Variants in F2 observed in about 807,000 individuals in gnomAD.
F2 encodes the protein coagulation factor II, thrombin.
A neutral mutation model predicts 81.9 loss-of-function variants in F2; 34 were observed. The observed-to-expected ratio is 0.42, with a 90% CI of 0.32 to 0.55. F2 has a LOEUF of 0.55. F2 is among the 20% of genes least tolerant of loss of function. The pLI is 0.18. For missense variants in F2, 630 were observed against 833.4 expected (o/e 0.76, Z 3.00); for synonymous variants, 296 against 326.4 (o/e 0.91, Z 1.01).
At chr11:46,734,307 C>T (rs753296425) in intron 12 of F2, among the ~76,000 whole-genome samples, 1 of 151,614 alleles carries the variant, frequency 6.6e-6, no homozygotes, top group Non-Finnish European at 1.5e-5. Context: ...GGTTTTTTGC[C>T]CATTTTTTGG....
intron 9 of F2, among the ~76,000 whole-genome samples, chr11:46,727,737 C>T (rs1446208920): frequency 1.3e-5 from 2 of 152,036 alleles, no homozygotes; most frequent in Non-Finnish European, 2.9e-5. Context: ...GTGACTGTAC[C>T]ATTGCACTCC....
intron 12 of F2, among the ~76,000 whole-genome samples, chr11:46,736,344 C>T (rs2134544768): frequency 6.6e-6 from 1 of 152,336 alleles, no homozygotes; most frequent in Non-Finnish European, 1.5e-5. Flanking sequence ...ATTTCAAACT[C>T]CTGGCTGGGC....
In F2 at chr11:46,720,699, T is replaced by C. The variant is rs3136434; in HGVS notation, c.266-91T>C. On this transcript the variant is annotated intron_variant, in intron 3 of 13. Transcript: ENST00000311907. ...GTCCCTCCCATCTGTTCATCCATCT[T>C]TCTGTTTCTCACCAACATCCCATCC... The C allele has an allele frequency of 0.078, 119,754 of 1,539,212 alleles. 5,390 individuals are homozygous for C. Among genetic ancestry groups the C allele is most frequent in the Middle Eastern group, 0.1 (603 of 5,894 alleles).
chr11:46,734,168 G>A (rs1411542506), intron 12 of F2, among the ~76,000 whole-genome samples: 3 of 151,944 alleles, frequency 2.0e-5, no homozygotes, highest in Non-Finnish European at 4.4e-5. Context: ...TGCAATCTTG[G>A]CTCACTGCAG....
chr11:46,730,152 T>C (rs1257515194), intron 12 of F2, among the ~76,000 whole-genome samples: 1 of 151,908 alleles, frequency 6.6e-6, no homozygotes, highest in Non-Finnish European at 1.5e-5. Flanking sequence ...ATACAAAAAT[T>C]AGCTGGTCAT....
chr11:46,728,307 C>G lies in F2; in HGVS notation c.1298+144C>G, dbSNP rs1395574183. ...ATCCCAGCAGTCTCTGCTGGAAAGC[C>G]CATTTGGTCACGTCCTGACTGAGGC... is the stretch of plus-strand genomic sequence containing the variant. On this transcript the variant is annotated intron_variant, in intron 10 of 13. Coordinates refer to ENST00000311907, the MANE Select transcript of F2 (RefSeq NM_000506.5). The surrounding 1 kb of genome is among the most constrained non-coding windows in gnomAD (Gnocchi z 5.1). The G allele has an allele frequency of 9.9e-7, 1 of 1,005,492 alleles. No individual in the cohort carries two copies. The highest frequency in any genetic ancestry group is 1.5e-6 in the Non-Finnish European group (1 of 663,004). 62.3% of individuals were successfully genotyped at this position (1,005,492 alleles called of 1,614,324 possible).
Position 46,723,527 on chromosome 11 carries a change from G to C in F2, c.559+9G>C. 1 of 1,604,984 alleles carries C rather than the reference G, an allele frequency of 6.2e-7. No homozygotes were observed. The highest frequency in any genetic ancestry group is 1.1e-5 in the South Asian group (1 of 90,270). Reference sequence around the variant, plus strand: ...CAGCATCCCTGTCTGTGGTAAGCTGGGGGCAGTGGGGCGGCCCATGGCCAA... The same window carrying C: ...CAGCATCCCTGTCTGTGGTAAGCTGCGGGCAGTGGGGCGGCCCATGGCCAA... On this transcript the variant is annotated intron_variant, in intron 6 of 13. Coordinates refer to ENST00000311907, the MANE Select transcript of F2 (RefSeq NM_000506.5). The surrounding 1 kb of genome is among the most constrained non-coding windows in gnomAD (Gnocchi z 5.6).
chr11:46,725,615 G>A (rs1228952230), intron 6 of F2, among the ~76,000 whole-genome samples: 2 of 152,098 alleles, frequency 1.3e-5, no homozygotes, highest in Admixed American at 1.3e-4. Flanking sequence ...GCCAAACCTG[G>A]TTACTATCTC....
intron 6 of F2, among the ~76,000 whole-genome samples, chr11:46,725,069 C>CTTTTTTTTTTTTTTTTTTTTTT (rs71455298): frequency 9.4e-6 from 1 of 106,246 alleles, no homozygotes. Context: ...TGCGCCCGGC[C>CTTTTTTTTTTTTTTTTTTTTTT]TTTTTTTTTT....
chr11:46,738,957 G>A lies in F2; in HGVS notation c.1655-91G>A, dbSNP rs963936081. On this transcript the variant is annotated intron_variant, in intron 12 of 13. Coordinates refer to ENST00000311907, the MANE Select transcript of F2 (RefSeq NM_000506.5). ...GGGGACAGCAAGAATGACTGGAGGG[G>A]TAAGTGGACTCTCACCAGCTGTGTC... is the stretch of plus-strand genomic sequence containing the variant. The A allele has an allele frequency of 3.9e-6, 5 of 1,288,074 alleles. No individual in the cohort carries two copies. The East Asian group carries it at 9.2e-5, about 24-fold the overall frequency. 79.8% of individuals were successfully genotyped at this position (1,288,074 alleles called of 1,614,324 possible). A position where few individuals can be genotyped will look rare whatever the true frequency, so the allele number is the denominator to read the frequency against.
chr11:46,721,465 C>G (rs2064836152), intron 4 of F2, among the ~76,000 whole-genome samples: 1 of 152,194 alleles, frequency 6.6e-6, no homozygotes, highest in Non-Finnish European at 1.5e-5. Context: ...AACAGGAACC[C>G]AAACCCCCAG....
At chr11:46,733,530 T>C (rs531325478) in intron 12 of F2, among the ~76,000 whole-genome samples, 1 of 152,228 alleles carries the variant, frequency 6.6e-6, no homozygotes, top group South Asian at 2.1e-4. Flanking sequence ...AGAAGTGGTG[T>C]TGTTAGGTCA....
At chr11:46,724,999 T>C (rs933440393) in intron 6 of F2, among the ~76,000 whole-genome samples, 1 of 151,180 alleles carries the variant, frequency 6.6e-6, no homozygotes, top group Non-Finnish European at 1.5e-5. Flanking sequence ...CTCAAACTCC[T>C]GACCTTGTGA....
At chr11:46,738,712 C>T (rs3136513) in intron 12 of F2, among the ~76,000 whole-genome samples, 3,272 of 152,288 alleles carry the variant, frequency 0.021, 126 homozygotes, top group African/African-American at 0.072. Flanking sequence ...GTGATCCACC[C>T]GGCTTGGGCA....
rs1235937841 is a variant in F2 at position 46,729,458 on chromosome 11, G to A, written c.1551G>A (p.Lys517=). The part of the protein sequence containing the change: ...LKETWTANVG[K]GQPSVLQVVN... The stretch of plus-strand genomic sequence containing the variant: ...AGACGTGGACAGCCAACGTTGGTAA[G>A]GGGCAGCCCAGTGTCCTGCAGGTGG... The change falls in exon 12 of 14, where the codon AAG becomes AAA. Residue 517 remains lysine, a synonymous_variant. Transcript: ENST00000311907. The A allele has an allele frequency of 6.2e-7, 1 of 1,614,178 alleles. No individual in the cohort carries two copies. Among genetic ancestry groups the A allele is most frequent in the Non-Finnish European group, 8.5e-7 (1 of 1,180,026 alleles).
At chr11:46,720,650 C>A in intron 3 of F2, 103 bp downstream of exon 3, 1 of 1,510,626 alleles carries the variant, frequency 6.6e-7, no homozygotes, top group South Asian at 1.1e-5. Flanking sequence ...TCCACCCATC[C>A]ACCCCTTCCC....
At chr11:46,736,269 G>T (rs1435078431) in intron 12 of F2, among the ~76,000 whole-genome samples, 2 of 151,938 alleles carry the variant, frequency 1.3e-5, no homozygotes, top group Non-Finnish European at 2.9e-5. Context: ...TCACATTCTA[G>T]ATTGTATCTT....
chr11:46,719,902 C>T lies in F2; in HGVS notation c.240+40C>T, dbSNP rs1333961157. 2.9e-5 allele frequency: 45 copies of T among 1,545,852 alleles called. No individual in the cohort carries two copies. Among genetic ancestry groups the T allele is most frequent in the South Asian group, 5.9e-5 (5 of 84,056 alleles). On this transcript the variant is annotated intron_variant, in intron 2 of 13. Transcript: ENST00000311907. The surrounding 1 kb of genome is among the most constrained non-coding windows in gnomAD (Gnocchi z 4.7). ...CTCGGACGGTGCCGGGGCCTCAGAC[C>T]GGGCCCAACTCTAGACACTTCCACA...
Position 46,719,304 on chromosome 11 carries a change from C to G in F2, c.69C>G (p.His23Gln), listed in dbSNP as rs1207410654. 6.2e-7 allele frequency: 1 copy of G among 1,613,204 alleles called. No homozygotes were observed. Among genetic ancestry groups the G allele is most frequent in the South Asian group, 1.1e-5 (1 of 90,942 alleles). The change falls in exon 1 of 14, where the codon CAC becomes CAG. Residue 23 changes from histidine to glutamine, a missense_variant. Transcript: ENST00000311907. This position sits in a 1 kb window ranked among gnomAD's most constrained non-coding sequence, Gnocchi z 4.7. ...LALAALCSLVHSQHVFLAPQQ... is the reference protein window; with the variant it reads ...LALAALCSLVQSQHVFLAPQQ... The stretch of plus-strand genomic sequence containing the variant: ...TGGCTGCCCTGTGTAGCCTTGTGCA[C>G]AGCCAGCATGGTAAGGGAGTGCTTG...
Sources: allele counts gnomAD v4.1 joint callset (sites outside exome capture counted in the v4.1 genomes callset), GRCh38; gene constraint gnomAD v4.1.1; non-coding constraint Gnocchi (gnomAD v3.1); transcripts MANE v1.5; gene names NCBI Gene and HGNC (gene_info 2026-07-23, HGNC 2026-07-21).